Variants in MYO5A observed in about 807,000 individuals in gnomAD.
MYO5A encodes the protein myosin VA, also known as unconventional myosin-Va.
A neutral mutation model predicts 249.7 loss-of-function variants in MYO5A; 98 were observed. That is an observed-to-expected ratio of 0.39 (90% confidence interval 0.33 to 0.46). The LOEUF (loss-of-function observed/expected upper bound fraction) is 0.46, where lower values mean the gene tolerates loss of function less well. Among genes scored for constraint, MYO5A ranks in the 20% least tolerant of loss-of-function variants. The pLI is 0.98. For synonymous variants in MYO5A, 778 were observed against 810.6 expected (o/e 0.96, Z 0.68); for missense variants, 1,696 against 2,308.8 (o/e 0.73, Z 5.44).
chr15:52,396,268 A>C lies in MYO5A; in HGVS notation c.1401+48T>G, dbSNP rs769882612. 26 of 1,123,200 alleles carry C rather than the reference A, an allele frequency of 2.3e-5. No individual in the cohort carries two copies. The Middle Eastern group carries it at 5.8e-4, about 25-fold the overall frequency. The allele number at this position is 1,123,200 out of a possible 1,614,324, so 69.6% of individuals were successfully genotyped here. ...GCTTTTAAACAAAGACTAGGAATTC[A>C]AGAGAATAATTTATAGCAGAGTATT... On this transcript the variant is annotated intron_variant, in intron 11 of 41. Transcript: ENST00000399233.
chr15:52,469,420 G>A (rs1403914115), intron 1 of MYO5A, among the ~76,000 whole-genome samples: 1 of 152,138 alleles, frequency 6.6e-6, no homozygotes. Flanking sequence ...TTACTATTTA[G>A]TAAGTGGAAG....
intron 1 of MYO5A, among the ~76,000 whole-genome samples, chr15:52,485,120 G>A (rs1469420863): frequency 6.6e-6 from 1 of 152,080 alleles, no homozygotes; most frequent in Non-Finnish European, 1.5e-5. Flanking sequence ...TAGCTAGGAA[G>A]TATGTAAGTC....
chr15:52,378,124 T>C (rs1168870562), intron 18 of MYO5A, among the ~76,000 whole-genome samples: 1 of 151,956 alleles, frequency 6.6e-6, no homozygotes, highest in African/African-American at 2.4e-5. Context: ...CTAACTAAAT[T>C]CCCACAAAGC....
intron 8 of MYO5A, among the ~76,000 whole-genome samples, chr15:52,406,040 T>C (rs1292870715): frequency 2.0e-5 from 3 of 152,186 alleles, no homozygotes; most frequent in Non-Finnish European, 4.4e-5. Flanking sequence ...AAATACAGCA[T>C]CAGAGCAGAA....
intron 1 of MYO5A, among the ~76,000 whole-genome samples, chr15:52,437,778 A>T (rs2075698856): frequency 6.6e-6 from 1 of 152,176 alleles, no homozygotes; most frequent in African/African-American, 2.4e-5. Context: ...CTGTGTTAGT[A>T]GGGAGCTCCA....
rs1176295918 is a variant in MYO5A, at chr15:52,397,222, A to G, written c.1298T>C (p.Ile433Thr). The G allele has an allele frequency of 8.1e-6, 13 of 1,614,110 alleles. No individual in the cohort carries two copies. Among genetic ancestry groups the G allele is most frequent in the South Asian group, 1.1e-5 (1 of 91,084 alleles). Residue 433 changes from isoleucine (I) to threonine (T), a missense_variant, in exon 10 of 42, where the codon ATT becomes ACT. Ile to Thr is a moderately conservative substitution (Grantham distance 89). Coordinates refer to ENST00000399233, the MANE Select transcript of MYO5A (RefSeq NM_001382347.1). ...TCACCCGTAAATGTCTAGCACACCAATAAAAGAGTGCTGTTTGACAGCAGA... is the reference window on the plus strand; with the variant it reads ...TCACCCGTAAATGTCTAGCACACCAGTAAAAGAGTGCTGTTTGACAGCAGA... ...LHSAVKQHSF[I>T]GVLDIYGFET...
intron 29 of MYO5A, among the ~76,000 whole-genome samples, chr15:52,347,677 A>G (rs2039710640): frequency 6.6e-6 from 1 of 152,204 alleles, no homozygotes; most frequent in African/African-American, 2.4e-5. Context: ...TCTTAATGCT[A>G]TCCTTTTGTA....
At chr15:52,406,643 T>A (rs902513780) in intron 8 of MYO5A, among the ~76,000 whole-genome samples, 1 of 150,082 alleles carries the variant, frequency 6.7e-6, no homozygotes, top group African/African-American at 2.4e-5. Context: ...TATTCTGAGG[T>A]TTTTTTTTTC....
At chr15:52,425,763 G>C in intron 4 of MYO5A, 67 bp downstream of exon 4, 1 of 1,556,426 alleles carries the variant, frequency 6.4e-7, no homozygotes, top group Non-Finnish European at 8.8e-7. Context: ...AAATATATGT[G>C]ACTTAGCAAG....
chr15:52,369,034 T>C (rs1265813321), intron 22 of MYO5A, among the ~76,000 whole-genome samples: 2 of 152,232 alleles, frequency 1.3e-5, no homozygotes, highest in African/African-American at 4.8e-5. Flanking sequence ...ACAAGCTTGC[T>C]GTATCAAAAC....
chr15:52,493,734 CATT>C (rs1455785148), intron 1 of MYO5A, among the ~76,000 whole-genome samples: 2 of 152,124 alleles, frequency 1.3e-5, no homozygotes, highest in African/African-American at 4.8e-5. Flanking sequence ...CTCTAGAAGA[CATT>C]AGGCTCAGTG....
intron 2 of MYO5A, among the ~76,000 whole-genome samples, chr15:52,429,049 G>T (rs947328048): frequency 6.6e-6 from 1 of 152,098 alleles, no homozygotes; most frequent in Non-Finnish European, 1.5e-5. Flanking sequence ...CAGGGTTGTG[G>T]TAAAAAAGTA....
At chr15:52,345,308 G>A (rs1279216117) in intron 30 of MYO5A, among the ~76,000 whole-genome samples, 3 of 152,126 alleles carry the variant, frequency 2.0e-5, no homozygotes, top group South Asian at 2.1e-4. Context: ...AGGGCCGGGC[G>A]CAGTGGCTCA....
rs1275874135 is a variant in MYO5A at position 52,308,023 on chromosome 15, A to G, written c.*5673T>C. On this transcript the variant is annotated 3_prime_UTR_variant, in exon 42 of 42. Transcript: ENST00000399233. The stretch of plus-strand genomic sequence containing the variant: ...GCTAAAATTTTATAACATGATAACA[A>G]TAAGATTTGAAACTGCTGACTCTGA... The G allele has an allele frequency of 1.3e-5, 2 of 152,234 alleles. No individual in the cohort carries two copies. The highest frequency in any genetic ancestry group is 2.9e-5 in the Non-Finnish European group (2 of 68,036). The allele number at this position is 152,234 out of a possible 1,614,324, so 9.4% of individuals were successfully genotyped here.
chr15:52,407,462 T>C, intron 7 of MYO5A, 63 bp from the exon 8 acceptor site: 1 of 1,181,154 alleles, frequency 8.5e-7, no homozygotes, highest in Non-Finnish European at 1.3e-6. Context: ...TAACCTTATG[T>C]CCACTCTGAA....
Position 52,375,361 on chromosome 15 carries a change from G to C in MYO5A, c.2520C>G (p.Ala840=). ...GCAAGTAAGACTGAAGAACGATAGT[G>C]GCAGCTCGTCTAATCTTGTACCTCC... The part of the protein sequence containing the change: ...VRRRYKIRRA[A]TIVLQSYLRG... The change falls in exon 20 of 42, where the codon GCC becomes GCG. Residue 840 remains alanine, a synonymous_variant. Transcript: ENST00000399233. 1 of 1,613,998 alleles carries C rather than the reference G, an allele frequency of 6.2e-7. No homozygotes were observed. Among genetic ancestry groups the C allele is most frequent in the Non-Finnish European group, 8.5e-7 (1 of 1,179,916 alleles).
intron 24 of MYO5A, among the ~76,000 whole-genome samples, chr15:52,361,464 C>T (rs149505234): frequency 1.1e-3 from 160 of 152,238 alleles, no homozygotes; most frequent in African/African-American, 3.8e-3. Context: ...TTGCTTTTTG[C>T]TATTTAATGT....
chr15:52,482,345 T>C (rs545458410), intron 1 of MYO5A, among the ~76,000 whole-genome samples: 29 of 152,326 alleles, frequency 1.9e-4, no homozygotes, highest in African/African-American at 5.8e-4. Context: ...TTCCTGGTAG[T>C]TGTTTTTTGT....
chr15:52,349,088 T>C (rs556336481), intron 28 of MYO5A, among the ~76,000 whole-genome samples: 2 of 152,330 alleles, frequency 1.3e-5, no homozygotes, highest in East Asian at 3.9e-4. Context: ...ATTGTTTTGA[T>C]TTTTCTGGTT....
Sources: gnomAD v4.1 joint callset for allele counts (sites outside exome capture counted in the v4.1 genomes callset) on GRCh38, gnomAD v4.1.1 for gene constraint, MANE v1.5 for transcripts, NCBI Gene and HGNC (gene_info 2026-07-23, HGNC 2026-07-21) for gene names.